WWOX: variants seen among roughly 807,000 people sequenced by gnomAD.
WWOX encodes the protein WW domain-containing oxidoreductase.
Under a neutral mutation model 46.2 loss-of-function variants are expected in WWOX, and 69 were observed. The observed-to-expected ratio is 1.49, with a 90% CI of 1.23 to 1.82. The LOEUF is 1.82. Among genes scored for constraint, WWOX ranks in the 40% most tolerant of loss-of-function variants. The probability of loss-of-function intolerance (pLI) is 0.00; values close to 1 mark genes in which losing one functional copy is unlikely to be tolerated. For missense variants in WWOX, 919 were observed against 542.6 expected (o/e 1.69, Z -6.89); for synonymous variants, 359 against 202.6 (o/e 1.77, Z -6.56).
chr16:78,315,894 C>G (rs1049723586), intron 5 of WWOX, among the ~76,000 whole-genome samples: 13 of 152,094 alleles, frequency 8.5e-5, no homozygotes, highest in African/African-American at 2.9e-4. Flanking sequence ...CTGTATTTAA[C>G]TACTCTCCTC....
At chr16:79,083,500 C>T (rs570766351) in intron 8 of WWOX, among the ~76,000 whole-genome samples, 1 of 152,266 alleles carries the variant, frequency 6.6e-6, no homozygotes, top group South Asian at 2.1e-4. Context: ...TAGAACCTAG[C>T]CTATCTCACC....
At chr16:79,051,698 G>A (rs990866640) in intron 8 of WWOX, among the ~76,000 whole-genome samples, 1 of 152,212 alleles carries the variant, frequency 6.6e-6, no homozygotes, top group African/African-American at 2.4e-5. Context: ...CTACAAGGGT[G>A]TAAAAAGTAG....
chr16:78,920,543 T>C (rs912249409), intron 8 of WWOX, among the ~76,000 whole-genome samples: 1 of 152,154 alleles, frequency 6.6e-6, no homozygotes, highest in Non-Finnish European at 1.5e-5. Context: ...AAAGCAGTTA[T>C]TGTTTCCAAG....
chr16:79,017,256 C>T (rs897164594), intron 8 of WWOX: 1 of 150,936 alleles, frequency 6.6e-6, no homozygotes, highest in Non-Finnish European at 1.5e-5. Flanking sequence ...CAGTGAAACC[C>T]CATATCTCCT....
At chr16:78,211,417 C>T (rs1044421181) in intron 5 of WWOX, among the ~76,000 whole-genome samples, 1 of 152,072 alleles carries the variant, frequency 6.6e-6, no homozygotes, top group South Asian at 2.1e-4. Context: ...TTGTCAGGTT[C>T]TTGGGGAAGA....
intron 5 of WWOX, chr16:78,265,002 T>TTTC (rs532710320): frequency 0.077 from 4,861 of 63,060 alleles, 74 homozygotes; most frequent in East Asian, 0.14. Context: ...TCTTTCTTTC[T>TTTC]TTTTTTTTTT....
At chr16:78,695,549 A>G (rs375584899) in intron 8 of WWOX, among the ~76,000 whole-genome samples, 14 of 152,186 alleles carry the variant, frequency 9.2e-5, no homozygotes, top group East Asian at 1.9e-4. Flanking sequence ...CTGTGAGGCT[A>G]TGGTCTGCCA....
chr16:78,965,393 ACC>A (rs2046345923), intron 8 of WWOX, among the ~76,000 whole-genome samples: 1 of 151,988 alleles, frequency 6.6e-6, no homozygotes, highest in South Asian at 2.1e-4. Context: ...ACATGGTGAA[ACC>A]CCATCTGTAC....
intron 8 of WWOX, among the ~76,000 whole-genome samples, chr16:79,030,313 C>G (rs1025463816): frequency 6.6e-6 from 1 of 152,210 alleles, no homozygotes; most frequent in Non-Finnish European, 1.5e-5. Context: ...TCCTCCAGTG[C>G]GTACGCAGAT....
Position 78,739,930 on chromosome 16 carries a change from G to T in WWOX, c.1056+307178G>T, listed in dbSNP as rs1042464466. Among the ~76,000 whole-genome samples, 9 of 152,254 alleles carry T rather than the reference G, an allele frequency of 5.9e-5. No homozygotes were observed. In the South Asian group the frequency reaches 6.2e-4, roughly 11 times the overall value. ...ATTGTGCATTTATTATTGCTAGGAT[G>T]CATATACACATTGAACTCAGTCAAC... On this transcript the variant is annotated intron_variant, in intron 8 of 8. Transcript: ENST00000566780.
chr16:78,936,253 C>A (rs1023923519), intron 8 of WWOX, among the ~76,000 whole-genome samples: 1 of 152,094 alleles, frequency 6.6e-6, no homozygotes, highest in East Asian at 1.9e-4. Flanking sequence ...CCCTCTGTAC[C>A]TTTGACCTGG....
At chr16:78,900,697 C>G (rs951832818) in intron 8 of WWOX, among the ~76,000 whole-genome samples, 1 of 152,182 alleles carries the variant, frequency 6.6e-6, no homozygotes, top group Admixed American at 6.5e-5. Context: ...GCAAATGCCA[C>G]TTTTCATTTT....
At chr16:78,790,931 A>G (rs1475078041) in intron 8 of WWOX, among the ~76,000 whole-genome samples, 2 of 146,998 alleles carry the variant, frequency 1.4e-5, no homozygotes, top group South Asian at 2.2e-4. Flanking sequence ...AGGTGGGAGG[A>G]TCACCTGAGC....
At chr16:79,141,937 C>G (rs2050097888) in intron 8 of WWOX, among the ~76,000 whole-genome samples, 1 of 152,134 alleles carries the variant, frequency 6.6e-6, no homozygotes, top group Non-Finnish European at 1.5e-5. Context: ...TCCAGTGCTT[C>G]TTGGCTATTG....
At chr16:78,795,757 A>T (rs1035498319) in intron 8 of WWOX, among the ~76,000 whole-genome samples, 6 of 152,146 alleles carry the variant, frequency 3.9e-5, no homozygotes, top group African/African-American at 1.4e-4. Context: ...TCATCTGTAA[A>T]TGGGGACAAT....
intron 8 of WWOX, among the ~76,000 whole-genome samples, chr16:78,464,667 G>C (rs1162954551): frequency 6.6e-6 from 1 of 152,128 alleles, no homozygotes; most frequent in Non-Finnish European, 1.5e-5. Flanking sequence ...CAGAGCTGCT[G>C]CCTCATTTCT....
intron 5 of WWOX, among the ~76,000 whole-genome samples, chr16:78,383,675 T>A (rs1013484180): frequency 6.6e-6 from 1 of 152,168 alleles, no homozygotes; most frequent in African/African-American, 2.4e-5. Context: ...TAAACACATA[T>A]GCACACCCTA....
At chr16:79,014,971 C>G (rs540805007) in intron 8 of WWOX, among the ~76,000 whole-genome samples, 1 of 152,270 alleles carries the variant, frequency 6.6e-6, no homozygotes, top group South Asian at 2.1e-4. Context: ...GATGTATCCA[C>G]TGGGCAAAGG....
At chr16:78,825,861 G>A (rs2051639196) in intron 8 of WWOX, 3 of 650,582 alleles carry the variant, frequency 4.6e-6, no homozygotes, top group South Asian at 1.8e-5. Flanking sequence ...GACCCCGCTG[G>A]TAAGACTGGC....
Sources: gnomAD v4.1 joint callset for allele counts (sites outside exome capture counted in the v4.1 genomes callset) on GRCh38, gnomAD v4.1.1 for gene constraint, MANE v1.5 for transcripts, NCBI Gene and HGNC (gene_info 2026-07-23, HGNC 2026-07-21) for gene names.